The following KCNJ6 variants were observed in gnomAD, a reference collection of about 807,000 sequenced individuals.
KCNJ6 encodes G protein-activated inward rectifier potassium channel 2.
A neutral mutation model predicts 34.2 loss-of-function variants in KCNJ6; 9 were observed. The ratio of observed to expected loss-of-function variants is 0.26; its 90% CI spans 0.16 to 0.46. The LOEUF is 0.46. Among genes scored for constraint, KCNJ6 ranks in the 20% least tolerant of loss-of-function variants. The pLI is 1.00. For missense variants in KCNJ6, 236 were observed against 531.3 expected (o/e 0.44, Z 5.46); for synonymous variants, 196 against 207.1 (o/e 0.95, Z 0.46).
At chr21:37,847,702 A>G (rs1252668108) in intron 1 of KCNJ6, among the ~76,000 whole-genome samples, 1 of 151,332 alleles carries the variant, frequency 6.6e-6, no homozygotes, top group Non-Finnish European at 1.5e-5. Context: ...TCTACAGGAC[A>G]TCGATAGAAA....
At chr21:37,629,864 G>A (rs1197819642) in intron 3 of KCNJ6, among the ~76,000 whole-genome samples, 1 of 152,156 alleles carries the variant, frequency 6.6e-6, no homozygotes, top group Non-Finnish European at 1.5e-5. Flanking sequence ...AATGCTCATG[G>A]ATGCTTTTCC....
chr21:37,801,622 C>T (rs2055269731), intron 2 of KCNJ6, among the ~76,000 whole-genome samples: 3 of 152,220 alleles, frequency 2.0e-5, no homozygotes, highest in Admixed American at 2.0e-4. Flanking sequence ...CTTCTCCCAG[C>T]CTTCCCACTT....
chr21:37,680,442 C>T (rs1888466), intron 3 of KCNJ6, among the ~76,000 whole-genome samples: 148,803 of 152,286 alleles, frequency 0.98, 72,736 homozygotes, highest in East Asian at 1. Flanking sequence ...CAGACTATGA[C>T]GGTTAATTTT....
At chr21:37,817,698 G>A (rs1293044354) in intron 2 of KCNJ6, among the ~76,000 whole-genome samples, 4 of 152,134 alleles carry the variant, frequency 2.6e-5, no homozygotes, top group African/African-American at 7.2e-5. Context: ...AGAAATAACC[G>A]CGTGGCATTG....
At chr21:37,845,892 A>T (rs1292951153) in intron 1 of KCNJ6, among the ~76,000 whole-genome samples, 2 of 152,160 alleles carry the variant, frequency 1.3e-5, no homozygotes, top group Admixed American at 6.5e-5. Context: ...TGGAAGAGCT[A>T]TGCTATTTTG....
intron 3 of KCNJ6, among the ~76,000 whole-genome samples, chr21:37,656,206 G>A (rs1323776545): frequency 6.6e-6 from 1 of 152,202 alleles, no homozygotes; most frequent in African/African-American, 2.4e-5. Context: ...AGCAGCACAG[G>A]AGATGCTGAC....
chr21:37,720,476 T>C (rs2054819263), intron 2 of KCNJ6, among the ~76,000 whole-genome samples: 1 of 148,630 alleles, frequency 6.7e-6, no homozygotes, highest in Non-Finnish European at 1.5e-5. Flanking sequence ...GAGTCAGCTA[T>C]CCCTGTAACT....
chr21:37,641,641 A>G (rs913752559), intron 3 of KCNJ6, among the ~76,000 whole-genome samples: 6 of 151,984 alleles, frequency 3.9e-5, no homozygotes, highest in Non-Finnish European at 8.8e-5. Context: ...TGCAGGGGGA[A>G]GAGCTGTTGT....
At chr21:37,793,922 G>C (rs2055229208) in intron 2 of KCNJ6, among the ~76,000 whole-genome samples, 1 of 152,246 alleles carries the variant, frequency 6.6e-6, no homozygotes, top group Admixed American at 6.5e-5. Flanking sequence ...CAGGCATGAT[G>C]AAAGTAAAGG....
At chr21:37,653,390 C>A (rs1015554972) in intron 3 of KCNJ6, among the ~76,000 whole-genome samples, 1 of 151,878 alleles carries the variant, frequency 6.6e-6, no homozygotes, top group African/African-American at 2.4e-5. Flanking sequence ...ATGCTGGTGG[C>A]GCAGGTGTGT....
chr21:37,905,326 C>A (rs1296401157), intron 1 of KCNJ6, among the ~76,000 whole-genome samples: 1 of 152,156 alleles, frequency 6.6e-6, no homozygotes, highest in African/African-American at 2.4e-5. Flanking sequence ...TCCCACTTGC[C>A]CCCAATCAAA....
rs569404852 is a variant in KCNJ6, at chr21:37,636,102, C to A, written c.947-10618G>T. Among the ~76,000 whole-genome samples, 3 of 152,274 alleles carry A rather than the reference C, an allele frequency of 2.0e-5. No homozygotes were observed. In the East Asian group the frequency reaches 5.8e-4, roughly 29 times the overall value. On this transcript the variant is annotated intron_variant, in intron 3 of 3. Transcript: ENST00000609713. ...TGATGTCTGAGGGAGAGGATGGACA[C>A]CCATCTCTAGAAGAGAGAGCTGATT...
intron 1 of KCNJ6, among the ~76,000 whole-genome samples, chr21:37,845,367 A>G (rs1477050040): frequency 2.0e-5 from 3 of 152,188 alleles, no homozygotes; most frequent in Non-Finnish European, 4.4e-5. Flanking sequence ...TGTCTATCCC[A>G]CTTGGATGTT....
chr21:37,798,375 C>T (rs184907061), intron 2 of KCNJ6, among the ~76,000 whole-genome samples: 1 of 152,304 alleles, frequency 6.6e-6, no homozygotes, highest in East Asian at 1.9e-4. Context: ...AGTCTCACTC[C>T]TAGTATTTCC....
At chr21:37,734,360 C>A (rs73904423) in intron 2 of KCNJ6, among the ~76,000 whole-genome samples, 10,312 of 152,042 alleles carry the variant, frequency 0.068, 693 homozygotes, top group African/African-American at 0.17. Flanking sequence ...TGTGCAGACC[C>A]TAAAATGTTG....
chr21:37,914,008 G>GGTGTGTGAGTGTGT (rs1555855559), intron 1 of KCNJ6, among the ~76,000 whole-genome samples: 1 of 135,480 alleles, frequency 7.4e-6, no homozygotes, highest in Non-Finnish European at 1.6e-5. Flanking sequence ...GGCGGATCGG[G>GGTGTGTGAGTGTGT]GTGTGTGTGT....
intron 3 of KCNJ6, among the ~76,000 whole-genome samples, chr21:37,648,904 G>A (rs2054418027): frequency 6.6e-6 from 1 of 151,972 alleles, no homozygotes; most frequent in Non-Finnish European, 1.5e-5. Flanking sequence ...GGCTAAGGCG[G>A]GCAGATCACC....
Position 37,620,002 on chromosome 21 carries a change from T to A in KCNJ6, c.*5157A>T, listed in dbSNP as rs1203232583. Reference sequence around the variant, plus strand: ...TAACTGAATGACTGGGCTCTCTAAGTCTTGTGAAGCAGTTGTCTCTTTGAC... The same window carrying A: ...TAACTGAATGACTGGGCTCTCTAAGACTTGTGAAGCAGTTGTCTCTTTGAC... On this transcript the variant is annotated 3_prime_UTR_variant, in exon 4 of 4. Transcript: ENST00000609713. The A allele has an allele frequency of 6.6e-6, 1 of 152,178 alleles. No homozygotes were observed. Among genetic ancestry groups the A allele is most frequent in the African/African-American group, 2.4e-5 (1 of 41,436 alleles). The allele number at this position is 152,178 out of a possible 1,614,324, so 9.4% of individuals were successfully genotyped here.
intron 2 of KCNJ6, among the ~76,000 whole-genome samples, chr21:37,736,752 C>T (rs931343035): frequency 5.3e-5 from 8 of 152,278 alleles, no homozygotes; most frequent in Non-Finnish European, 8.8e-5. Flanking sequence ...TACTGTTCAC[C>T]TCTGCAGCCT....
Sources: gnomAD v4.1 joint callset for allele counts (sites outside exome capture counted in the v4.1 genomes callset) on GRCh38, gnomAD v4.1.1 for gene constraint, MANE v1.5 for transcripts, NCBI Gene and HGNC (gene_info 2026-07-23, HGNC 2026-07-21) for gene names.